EEA1: variants seen among roughly 807,000 people sequenced by gnomAD.
EEA1 encodes the protein early endosome antigen 1, 162kD.
A neutral mutation model predicts 209.2 loss-of-function variants in EEA1; 111 were observed. The ratio of observed to expected loss-of-function variants is 0.53; its 90% confidence interval spans 0.45 to 0.62. The LOEUF (loss-of-function observed/expected upper bound fraction) is 0.62, where lower values mean the gene tolerates loss of function less well. EEA1 is among the 20% of genes least tolerant of loss of function. The pLI is 0.00. For synonymous variants in EEA1, 536 were observed against 540.6 expected (o/e 0.99, Z 0.12); for missense variants, 1,343 against 1,530.8 (o/e 0.88, Z 2.05).
intron 10 of EEA1, among the ~76,000 whole-genome samples, chr12:92,834,309 T>G (rs1389404420): frequency 2.0e-5 from 3 of 151,938 alleles, no homozygotes; most frequent in African/African-American, 2.4e-5. Flanking sequence ...TCTGTGAGGC[T>G]GAGACAGAAA....
At chr12:92,923,706 ATC>A (rs1330243936) in intron 1 of EEA1, among the ~76,000 whole-genome samples, 1 of 151,116 alleles carries the variant, frequency 6.6e-6, no homozygotes, top group Non-Finnish European at 1.5e-5. Flanking sequence ...GTAATTATTT[ATC>A]TGTCTCCTCC....
intron 10 of EEA1, among the ~76,000 whole-genome samples, chr12:92,839,614 A>G (rs1185889930): frequency 1.3e-5 from 2 of 152,222 alleles, no homozygotes; most frequent in Admixed American, 1.3e-4. Flanking sequence ...ATTCTTGCTG[A>G]ATTCTTTTGT....
intron 3 of EEA1, among the ~76,000 whole-genome samples, chr12:92,862,586 T>C (rs1434374099): frequency 6.9e-6 from 1 of 144,412 alleles, no homozygotes; most frequent in Non-Finnish European, 1.5e-5. Context: ...ATCCTATCTC[T>C]AAAAAAAAAA....
intron 22 of EEA1, 33 bp from the exon 23 acceptor site, chr12:92,782,168 G>A: frequency 6.5e-7 from 1 of 1,536,264 alleles, no homozygotes; most frequent in Non-Finnish European, 8.8e-7. Flanking sequence ...ATTATTATAT[G>A]CCATGTTTTT....
chr12:92,913,382 T>G (rs901864260), intron 1 of EEA1, among the ~76,000 whole-genome samples: 1 of 152,232 alleles, frequency 6.6e-6, no homozygotes, highest in Non-Finnish European at 1.5e-5. Flanking sequence ...GCTTACTTTC[T>G]GATGGACTTG....
At chr12:92,917,010 T>A (rs1246288869) in intron 1 of EEA1, among the ~76,000 whole-genome samples, 2 of 150,696 alleles carry the variant, frequency 1.3e-5, no homozygotes, top group Non-Finnish European at 2.9e-5. Flanking sequence ...GAAGATGAAA[T>A]GAATGAAATG....
chr12:92,898,193 A>T (rs1348658764), intron 1 of EEA1, among the ~76,000 whole-genome samples: 1 of 152,250 alleles, frequency 6.6e-6, no homozygotes, highest in Non-Finnish European at 1.5e-5. Flanking sequence ...ATACTTCCTC[A>T]AAGAAGGGTA....
chr12:92,879,721 T>C (rs2136741088), intron 2 of EEA1, among the ~76,000 whole-genome samples: 1 of 152,352 alleles, frequency 6.6e-6, no homozygotes, highest in South Asian at 2.1e-4. Flanking sequence ...CCCAATTCTA[T>C]TTAATATTTG....
At chr12:92,777,163 A>G (rs1447149833) in intron 27 of EEA1, among the ~76,000 whole-genome samples, 2 of 151,912 alleles carry the variant, frequency 1.3e-5, no homozygotes, top group Non-Finnish European at 2.9e-5. Flanking sequence ...TATTCCTGAA[A>G]TATCTTGCTA....
At chr12:92,874,548 T>G (rs1878794438) in intron 2 of EEA1, among the ~76,000 whole-genome samples, 1 of 152,154 alleles carries the variant, frequency 6.6e-6, no homozygotes, top group Non-Finnish European at 1.5e-5. Flanking sequence ...GTATTTTTAG[T>G]AGAGACGGGG....
intron 2 of EEA1, among the ~76,000 whole-genome samples, chr12:92,874,821 T>C (rs773600176): frequency 1.3e-5 from 2 of 152,232 alleles, no homozygotes; most frequent in African/African-American, 2.4e-5. Context: ...AAATATTGTA[T>C]ATCACAAAAT....
At chr12:92,864,448 T>C (rs1878284746) in intron 3 of EEA1, among the ~76,000 whole-genome samples, 1 of 152,166 alleles carries the variant, frequency 6.6e-6, no homozygotes, top group Non-Finnish European at 1.5e-5. Context: ...CGTATGCTTA[T>C]TGCTATACTG....
At chr12:92,807,567 A>G (rs1222121023) in intron 18 of EEA1, among the ~76,000 whole-genome samples, 1 of 152,192 alleles carries the variant, frequency 6.6e-6, no homozygotes, top group Non-Finnish European at 1.5e-5. Flanking sequence ...AACTAAAACT[A>G]AAAAGTAAAT....
intron 2 of EEA1, among the ~76,000 whole-genome samples, chr12:92,887,557 C>G: frequency 6.6e-6 from 1 of 151,966 alleles, no homozygotes. Context: ...CTGGAGACGT[C>G]AGATTGGGAG....
Position 92,882,112 on chromosome 12 carries a change from C to CT in EEA1, c.117+9516dup, listed in dbSNP as rs972027954. Among the ~76,000 whole-genome samples the CT allele has an allele frequency of 9.7e-4, 144 of 147,714 alleles. No individual in the cohort carries two copies. The South Asian group carries it at 0.014, about 15-fold the overall frequency. Reference sequence around the variant, plus strand: ...GAATCTTTCTAGTCATATGATTTTTCTTTTTTTTTTGTTGAGACAAAGTCT... The same window carrying CT: ...GAATCTTTCTAGTCATATGATTTTTCTTTTTTTTTTTGTTGAGACAAAGTCT... On this transcript the variant is annotated intron_variant, in intron 2 of 28. Transcript: ENST00000322349.
chr12:92,892,249 C>T (rs1565853065), intron 1 of EEA1, among the ~76,000 whole-genome samples: 1 of 152,100 alleles, frequency 6.6e-6, no homozygotes, highest in African/African-American at 2.4e-5. Flanking sequence ...CACCACCACA[C>T]CCAGCTAATT....
At chr12:92,864,708 A>T in intron 3 of EEA1, 152 bp downstream of exon 3, 1 of 671,280 alleles carries the variant, frequency 1.5e-6, no homozygotes, top group Non-Finnish European at 2.2e-6. Context: ...ATAGTTTTTA[A>T]CAATAGTGGA....
chr12:92,870,803 T>C (rs1401892983), intron 2 of EEA1, among the ~76,000 whole-genome samples: 1 of 152,004 alleles, frequency 6.6e-6, no homozygotes, highest in Non-Finnish European at 1.5e-5. Context: ...CAGCCTTCCC[T>C]GTAGCTAGAA....
At chr12:92,919,068 G>C (rs1300260694) in intron 1 of EEA1, among the ~76,000 whole-genome samples, 5 of 149,036 alleles carry the variant, frequency 3.4e-5, no homozygotes, top group African/African-American at 1.2e-4. Flanking sequence ...TCTCTGAATA[G>C]ACCAATAACA....
Sources: allele counts gnomAD v4.1 joint callset (sites outside exome capture counted in the v4.1 genomes callset), GRCh38; gene constraint gnomAD v4.1.1; transcripts MANE v1.5; gene names NCBI Gene and HGNC (gene_info 2026-07-23, HGNC 2026-07-21).